The following SHC3 variants were observed in gnomAD, a reference collection of about 807,000 sequenced individuals.
The protein encoded by SHC3 is SHC-transforming protein 3.
A neutral mutation model predicts 60.4 loss-of-function variants in SHC3; 15 were observed. The observed-to-expected ratio is 0.25, with a 90% CI of 0.17 to 0.38. The LOEUF is 0.38. Among genes scored for constraint, SHC3 ranks in the 10% least tolerant of loss-of-function variants. The pLI is 1.00. For missense variants in SHC3, 677 were observed against 786.1 expected (o/e 0.86, Z 1.66); for synonymous variants, 294 against 325.9 (o/e 0.90, Z 1.05).
chr9:89,061,417 G>GA (rs1477848151), intron 6 of SHC3, among the ~76,000 whole-genome samples: 1 of 152,330 alleles, frequency 6.6e-6, no homozygotes, highest in East Asian at 1.9e-4. Flanking sequence ...CCATATTCGA[G>GA]AAGCCCAGAA....
chr9:89,013,534 G>A lies in SHC3; in HGVS notation c.1698C>T (p.Leu566=), dbSNP rs1826044208. The A allele has an allele frequency of 6.2e-7, 1 of 1,614,022 alleles. No homozygotes were observed. Among genetic ancestry groups the A allele is most frequent in the Non-Finnish European group, 8.5e-7 (1 of 1,180,012 alleles). ...KDRVFDSISH[L]INHHLESSLP... is the part of the protein sequence containing the mutation. ...GGCTGCTTTCTAGGTGGTGGTTGAT[G>A]AGGTGGCTGATACTGTCAAAGACTC... The change falls in exon 12 of 12, where the codon CTC becomes CTT. Residue 566 remains leucine, a synonymous_variant. Transcript: ENST00000375835.
chr9:89,146,457 C>G (rs902706913), intron 1 of SHC3, among the ~76,000 whole-genome samples: 17 of 150,930 alleles, frequency 1.1e-4, no homozygotes, highest in African/African-American at 4.1e-4. Context: ...TAACATAAAT[C>G]CAAGAAAAAG....
At chr9:89,116,620 A>G (rs530010519) in intron 1 of SHC3, among the ~76,000 whole-genome samples, 3 of 152,314 alleles carry the variant, frequency 2.0e-5, no homozygotes, top group Admixed American at 1.3e-4. Flanking sequence ...TGTCAATTCC[A>G]ACACTCAGAG....
In SHC3 at chr9:89,178,473, G is replaced by T; in HGVS notation, c.-13C>A. 1 of 1,427,980 alleles carries T rather than the reference G, an allele frequency of 7.0e-7. No homozygotes were observed. The highest frequency in any genetic ancestry group is 9.2e-7 in the Non-Finnish European group (1 of 1,084,054). 88.5% of individuals were successfully genotyped at this position (1,427,980 alleles called of 1,614,324 possible). ...TGCGTGGAAGCATGCCCCTCCGTGG[G>T]CTCGCTGCATCCGCCCGGGCGCTGC... is the stretch of plus-strand genomic sequence containing the variant. On this transcript the variant is annotated 5_prime_UTR_variant, in exon 1 of 12. Transcript: ENST00000375835. This position sits in a 1 kb window ranked among gnomAD's most constrained non-coding sequence, Gnocchi z 6.9.
chr9:89,145,967 G>T (rs763000469), intron 1 of SHC3, among the ~76,000 whole-genome samples: 13 of 152,124 alleles, frequency 8.5e-5, no homozygotes, highest in East Asian at 1.9e-4. Flanking sequence ...CTTCTCATCA[G>T]CAACTTTAAA....
intron 6 of SHC3, 60 bp downstream of exon 6, chr9:89,065,469 A>G (rs2117978531): frequency 5.8e-6 from 9 of 1,556,144 alleles, no homozygotes; most frequent in Non-Finnish European, 8.0e-6. Flanking sequence ...ACCAGCTTGT[A>G]TAGAATGTGA....
At chr9:89,155,023 C>T (rs563859248) in intron 1 of SHC3, among the ~76,000 whole-genome samples, 2 of 152,330 alleles carry the variant, frequency 1.3e-5, no homozygotes, top group South Asian at 4.1e-4. Flanking sequence ...ACTAAGCTGG[C>T]TGCTCAGTCT....
chr9:89,042,226 C>T, intron 9 of SHC3, 42 bp from the exon 10 acceptor site: 2 of 1,486,144 alleles, frequency 1.3e-6, no homozygotes, highest in Non-Finnish European at 1.8e-6. Context: ...ACGATGGTGA[C>T]ACTATTCAAG....
intron 2 of SHC3, among the ~76,000 whole-genome samples, chr9:89,090,174 T>C (rs1345224594): frequency 6.6e-6 from 1 of 152,084 alleles, no homozygotes; most frequent in Non-Finnish European, 1.5e-5. Context: ...ATATTATATA[T>C]AAAATTTTAT....
intron 1 of SHC3, among the ~76,000 whole-genome samples, chr9:89,159,697 T>A (rs969941753): frequency 2.0e-5 from 3 of 152,160 alleles, no homozygotes; most frequent in Non-Finnish European, 2.9e-5. Flanking sequence ...ACTGAAGAAC[T>A]TGGAGTCGGA....
In SHC3 at chr9:89,052,105, T is replaced by C; in HGVS notation, c.894A>G (p.Gly298=). ...GLAQDVIGSI[G]QAFELRFKQY... is the part of the protein sequence containing the mutation. ...GCTTAAACCGGAGCTCAAAGGCTTG[T>C]CCGATGGAGCCGATGACATCCTGGG... The change falls in exon 7 of 12, where the codon GGA becomes GGG. Residue 298 remains glycine, a synonymous_variant. Transcript: ENST00000375835. 1 of 1,614,122 alleles carries C rather than the reference T, an allele frequency of 6.2e-7. No individual in the cohort carries two copies. Among genetic ancestry groups the C allele is most frequent in the South Asian group, 1.1e-5 (1 of 91,082 alleles).
rs564473118 is a variant in SHC3 at position 89,154,863 on chromosome 9, A to G, written c.474+23124T>C. ...GCAATAGACCACATCTGCTATCCAA[A>G]GTCAAAGGAAAAGAGCAAAGGAATG... On this transcript the variant is annotated intron_variant, in intron 1 of 11. Transcript: ENST00000375835. Among the ~76,000 whole-genome samples the G allele has an allele frequency of 1.6e-4, 25 of 152,320 alleles. No individual in the cohort carries two copies. In the South Asian group the frequency reaches 5.2e-3, roughly 32 times the overall value.
intron 10 of SHC3, among the ~76,000 whole-genome samples, chr9:89,041,538 C>T (rs184997569): frequency 7.9e-5 from 12 of 152,158 alleles, no homozygotes; most frequent in Admixed American, 2.6e-4. Flanking sequence ...AAAATGAGAG[C>T]ACAAGTGGGA....
chr9:89,155,205 C>T (rs1446601435), intron 1 of SHC3, among the ~76,000 whole-genome samples: 1 of 152,188 alleles, frequency 6.6e-6, no homozygotes, highest in Non-Finnish European at 1.5e-5. Context: ...AGCCAGCCTT[C>T]TCTCAGCCTT....
intron 11 of SHC3, among the ~76,000 whole-genome samples, chr9:89,020,488 G>A (rs1826181957): frequency 6.6e-6 from 1 of 152,112 alleles, no homozygotes; most frequent in African/African-American, 2.4e-5. Context: ...GGAAGGTGAG[G>A]GCTCCTCCTC....
At chr9:89,107,606 T>C (rs892147955) in intron 2 of SHC3, among the ~76,000 whole-genome samples, 3 of 152,156 alleles carry the variant, frequency 2.0e-5, no homozygotes, top group African/African-American at 7.2e-5. Flanking sequence ...CCTCTGCAGG[T>C]GCAGGCTGAG....
chr9:89,047,078 T>C (rs1824787483), intron 7 of SHC3, 84 bp from the exon 8 acceptor site: 1 of 1,407,550 alleles, frequency 7.1e-7, no homozygotes, highest in African/African-American at 1.4e-5. Context: ...GCGCCTGTTA[T>C]TAAGAAAAGA....
intron 2 of SHC3, chr9:89,109,069 C>T (rs1424062858): frequency 1.3e-5 from 13 of 985,410 alleles, no homozygotes; most frequent in Non-Finnish European, 1.6e-5. Flanking sequence ...CCTCAATGTC[C>T]ATCTTCCACT....
intron 1 of SHC3, among the ~76,000 whole-genome samples, chr9:89,113,477 G>A (rs1825979223): frequency 6.6e-6 from 1 of 152,018 alleles, no homozygotes; most frequent in African/African-American, 2.4e-5. Flanking sequence ...GCGACAGAGC[G>A]AGACTCCATC....
Sources: gnomAD v4.1 joint callset for allele counts (sites outside exome capture counted in the v4.1 genomes callset) on GRCh38, gnomAD v4.1.1 for gene constraint, Gnocchi (gnomAD v3.1) non-coding constraint, MANE v1.5 for transcripts, NCBI Gene and HGNC (gene_info 2026-07-23, HGNC 2026-07-21) for gene names.